Variants in NEO1 observed in about 807,000 individuals in gnomAD.
NEO1 encodes neogenin.
Under a neutral mutation model 159.7 loss-of-function variants are expected in NEO1, and 63 were observed. The observed-to-expected ratio is 0.39, with a 90% CI of 0.32 to 0.49. The LOEUF (loss-of-function observed/expected upper bound fraction) is 0.49, where lower values mean the gene tolerates loss of function less well. Ranked by LOEUF, NEO1 falls within the 20% of genes least tolerant of loss-of-function variation. The probability of loss-of-function intolerance (pLI) is 0.85; values close to 1 mark genes in which losing one functional copy is unlikely to be tolerated. For synonymous variants in NEO1, 633 were observed against 662.0 expected (o/e 0.96, Z 0.67); for missense variants, 1,615 against 1,831.0 (o/e 0.88, Z 2.15).
Position 73,128,533 on chromosome 15 carries a change from G to A in NEO1, c.878+1963G>A, listed in dbSNP as rs113889253. Among the ~76,000 whole-genome samples the A allele has an allele frequency of 3.0e-4, 46 of 152,152 alleles. 1 individual carries two copies. The highest frequency in any genetic ancestry group is 1.0e-3 in the African/African-American group (43 of 41,426). On this transcript the variant is annotated intron_variant, in intron 4 of 28. Transcript: ENST00000261908. ...ATTTACCAAATGCTGGCTATGTCAT[G>A]CATGTTCTAGGTGCTGGGAATAGAG...
At chr15:73,195,608 C>T (rs1281441307) in intron 7 of NEO1, among the ~76,000 whole-genome samples, 2 of 152,146 alleles carry the variant, frequency 1.3e-5, no homozygotes, top group South Asian at 2.1e-4. Flanking sequence ...AATATTTTAG[C>T]TGTATGAGTA....
intron 7 of NEO1, among the ~76,000 whole-genome samples, chr15:73,228,692 C>T (rs772622782): frequency 1.7e-4 from 26 of 151,956 alleles, no homozygotes; most frequent in Admixed American, 1.4e-3. Flanking sequence ...AAATTCTTTG[C>T]TAACTCAAGA....
At position 73,302,655 on chromosome 15, in the gene NEO1, G is replaced by C. The variant is rs1197143361; in HGVS notation, c.4345G>C (p.Glu1449Gln). 1.9e-6 allele frequency: 3 copies of C among 1,614,020 alleles called. No individual in the cohort carries two copies. The African/African-American group carries it at 4.0e-5, about 22-fold the overall frequency. The change falls in exon 29 of 29, where the codon GAA becomes CAA. Residue 1449 changes from glutamate (E) to glutamine (Q), a missense_variant. Transcript: ENST00000261908. The part of the protein sequence containing the change: ...DELTKEMAHL[E>Q]GLMKDLNAIT... ...GCTGACCAAAGAGATGGCCCACCTG[G>C]AAGGACTAATGAAGGACCTAAACGC... is the stretch of plus-strand genomic sequence containing the variant.
intron 7 of NEO1, among the ~76,000 whole-genome samples, chr15:73,227,714 G>A (rs1596403914): frequency 6.6e-6 from 1 of 152,166 alleles, no homozygotes; most frequent in African/African-American, 2.4e-5. Context: ...ATTTCCCAGT[G>A]GCCTTTGGCT....
intron 2 of NEO1, among the ~76,000 whole-genome samples, chr15:73,117,070 C>T (rs2071368947): frequency 6.6e-6 from 1 of 152,192 alleles, no homozygotes; most frequent in African/African-American, 2.4e-5. Context: ...TTCCACTTGT[C>T]TGATGGCTTA....
At chr15:73,157,419 C>T (rs373510795) in intron 5 of NEO1, among the ~76,000 whole-genome samples, 16 of 152,320 alleles carry the variant, frequency 1.1e-4, no homozygotes, top group African/African-American at 2.9e-4. Flanking sequence ...ATGTATGGGA[C>T]GTCCCTGGAG....
intron 15 of NEO1, among the ~76,000 whole-genome samples, chr15:73,265,497 G>T (rs1466836718): frequency 6.6e-6 from 1 of 152,218 alleles, no homozygotes; most frequent in Admixed American, 6.5e-5. Context: ...GAATGAAAGT[G>T]CATAGGGTGA....
chr15:73,134,760 G>A (rs2031557181), intron 4 of NEO1, among the ~76,000 whole-genome samples: 1 of 152,108 alleles, frequency 6.6e-6, no homozygotes, highest in African/African-American at 2.4e-5. Context: ...TGTAATCCCA[G>A]CACTTTGGGA....
At chr15:73,164,462 G>A (rs1037847008) in intron 5 of NEO1, among the ~76,000 whole-genome samples, 5 of 151,976 alleles carry the variant, frequency 3.3e-5, no homozygotes, top group South Asian at 2.1e-4. Flanking sequence ...TAATCTACCC[G>A]CCTCAGCCTC....
At chr15:73,119,422 T>C (rs553274755) in intron 2 of NEO1, among the ~76,000 whole-genome samples, 1 of 152,306 alleles carries the variant, frequency 6.6e-6, no homozygotes, top group East Asian at 1.9e-4. Flanking sequence ...ACTCATAGAA[T>C]TAAGTATGAG....
intron 7 of NEO1, among the ~76,000 whole-genome samples, chr15:73,184,666 G>T (rs1337435612): frequency 1.3e-5 from 2 of 152,218 alleles, no homozygotes; most frequent in Non-Finnish European, 2.9e-5. Flanking sequence ...CGTGGCTTAC[G>T]CCTGTACTCC....
intron 5 of NEO1, among the ~76,000 whole-genome samples, chr15:73,165,612 G>A (rs2034520931): frequency 6.6e-6 from 1 of 152,180 alleles, no homozygotes; most frequent in Non-Finnish European, 1.5e-5. Context: ...TCTCTTGTGA[G>A]ATATCACCTG....
rs139722966 is a variant in NEO1, at chr15:73,225,958, G to T, written c.1292-10389G>T. 5.7e-3 allele frequency among the ~76,000 whole-genome samples: 862 copies of T among 152,248 alleles called. 10 individuals carry two copies. The highest frequency in any genetic ancestry group is 8.0e-3 in the Admixed American group (122 of 15,302). On this transcript the variant is annotated intron_variant, in intron 7 of 28. Coordinates refer to ENST00000261908, the MANE Select transcript of NEO1 (RefSeq NM_002499.4). Reference sequence around the variant, plus strand: ...TGCCTGGGGACCTAGTGAGCTCCCGGGGCCTTTCTCGCTGCTTCCTCTACC... The same window carrying T: ...TGCCTGGGGACCTAGTGAGCTCCCGTGGCCTTTCTCGCTGCTTCCTCTACC...
chr15:73,150,615 A>G (rs1238816528), intron 5 of NEO1, among the ~76,000 whole-genome samples: 1 of 152,150 alleles, frequency 6.6e-6, no homozygotes, highest in African/African-American at 2.4e-5. Flanking sequence ...AAGCTTTAAT[A>G]TTTTGTTTGC....
chr15:73,188,563 C>T (rs1340956565), intron 7 of NEO1, among the ~76,000 whole-genome samples: 1 of 152,072 alleles, frequency 6.6e-6, no homozygotes, highest in East Asian at 1.9e-4. Flanking sequence ...TTCTTTATCC[C>T]TGTCTGTTTT....
chr15:73,188,356 C>T (rs1318245601), intron 7 of NEO1, among the ~76,000 whole-genome samples: 2 of 151,990 alleles, frequency 1.3e-5, no homozygotes, highest in Non-Finnish European at 2.9e-5. Context: ...AAATTAAATT[C>T]AGATTATTTG....
At chr15:73,302,053 T>G (rs537567742) in intron 28 of NEO1, among the ~76,000 whole-genome samples, 1 of 152,374 alleles carries the variant, frequency 6.6e-6, no homozygotes, top group South Asian at 2.1e-4. Flanking sequence ...GCCTGCCTTT[T>G]AGTTCTGTCC....
chr15:73,251,985 A>T (rs2040097823), intron 11 of NEO1, among the ~76,000 whole-genome samples: 1 of 152,216 alleles, frequency 6.6e-6, no homozygotes, highest in Non-Finnish European at 1.5e-5. Context: ...GATATGTTGG[A>T]TACCTCTGCA....
chr15:73,121,422 A>G (rs1440444268), intron 2 of NEO1, among the ~76,000 whole-genome samples: 1 of 152,188 alleles, frequency 6.6e-6, no homozygotes, highest in African/African-American at 2.4e-5. Flanking sequence ...CATCATGCCA[A>G]GAAGCATGTG....
Sources: gnomAD v4.1 joint callset for allele counts (sites outside exome capture counted in the v4.1 genomes callset) on GRCh38, gnomAD v4.1.1 for gene constraint, MANE v1.5 for transcripts, NCBI Gene and HGNC (gene_info 2026-07-23, HGNC 2026-07-21) for gene names.